The following KLHL29 variants were observed in gnomAD, a reference collection of about 807,000 sequenced individuals.
The protein encoded by KLHL29 is kelch-like protein 29.
Under a neutral mutation model 80.4 loss-of-function variants are expected in KLHL29, and 21 were observed. The ratio of observed to expected loss-of-function variants is 0.26; its 90% CI spans 0.19 to 0.38. KLHL29 has a LOEUF of 0.38. Among genes scored for constraint, KLHL29 ranks in the 10% least tolerant of loss-of-function variants. The pLI is 1.00. For synonymous variants in KLHL29, 511 were observed against 526.8 expected (o/e 0.97, Z 0.41); for missense variants, 867 against 1,223.9 (o/e 0.71, Z 4.35).
intron 1 of KLHL29, among the ~76,000 whole-genome samples, chr2:23,429,949 C>T (rs1002874635): frequency 6.6e-6 from 1 of 152,054 alleles, no homozygotes; most frequent in Non-Finnish European, 1.5e-5. Context: ...ATATTAACTA[C>T]TTGAATCTTC....
At chr2:23,481,133 C>T (rs987937064) in intron 2 of KLHL29, among the ~76,000 whole-genome samples, 1 of 152,204 alleles carries the variant, frequency 6.6e-6, no homozygotes, top group African/African-American at 2.4e-5. Flanking sequence ...TCTGTGAGAT[C>T]ACAGTCAGTC....
intron 1 of KLHL29, among the ~76,000 whole-genome samples, chr2:23,394,694 A>G (rs927682939): frequency 6.6e-6 from 1 of 152,270 alleles, no homozygotes; most frequent in Non-Finnish European, 1.5e-5. Context: ...CAGTTGACAT[A>G]GTAAGTTGAG....
intron 2 of KLHL29, among the ~76,000 whole-genome samples, chr2:23,538,662 T>C (rs1324526368): frequency 1.3e-5 from 2 of 152,238 alleles, no homozygotes; most frequent in African/African-American, 4.8e-5. Context: ...CTGTTAGCTG[T>C]CTGGGCTGCA....
intron 5 of KLHL29, among the ~76,000 whole-genome samples, chr2:23,649,636 G>T (rs1670034007): frequency 6.6e-6 from 1 of 152,232 alleles, no homozygotes; most frequent in African/African-American, 2.4e-5. Context: ...TGGGCCTTCA[G>T]CCCCAAATCT....
chr2:23,704,532 C>T lies in KLHL29; in HGVS notation c.2444+669C>T, dbSNP rs146973472. Among the ~76,000 whole-genome samples, 510 of 152,142 alleles carry T rather than the reference C, an allele frequency of 3.4e-3. 3 individuals are homozygous for T. The highest frequency in any genetic ancestry group is 0.011 in the African/African-American group (472 of 41,500). On this transcript the variant is annotated intron_variant, in intron 13 of 13. Transcript: ENST00000486442. ...CTGTAATCCCAGCACTTTGGGAGGC[C>T]GAGGCGGATGGATCAGTTGAGATCA...
chr2:23,445,065 A>G (rs1411955622), intron 1 of KLHL29, among the ~76,000 whole-genome samples: 2 of 152,196 alleles, frequency 1.3e-5, no homozygotes, highest in Non-Finnish European at 2.9e-5. Context: ...TTATAAGACA[A>G]TGTTGAATGA....
chr2:23,423,173 C>G (rs1331016952), intron 1 of KLHL29, among the ~76,000 whole-genome samples: 1 of 152,236 alleles, frequency 6.6e-6, no homozygotes, highest in African/African-American at 2.4e-5. Context: ...GTGTTTTTCA[C>G]TCATCCGCTT....
intron 1 of KLHL29, among the ~76,000 whole-genome samples, chr2:23,448,803 C>T (rs533402008): frequency 3.3e-5 from 5 of 152,148 alleles, no homozygotes; most frequent in Non-Finnish European, 7.4e-5. Flanking sequence ...CTGTGCTTGC[C>T]AGAGAACGGC....
At chr2:23,605,935 A>G (rs1390093104) in intron 3 of KLHL29, among the ~76,000 whole-genome samples, 4 of 151,902 alleles carry the variant, frequency 2.6e-5, no homozygotes, top group Admixed American at 2.0e-4. Flanking sequence ...ACGCCCGGCT[A>G]ATTTTTGTAT....
At chr2:23,463,993 A>AT (rs1355443796) in intron 1 of KLHL29, among the ~76,000 whole-genome samples, 2 of 152,154 alleles carry the variant, frequency 1.3e-5, no homozygotes, top group African/African-American at 4.8e-5. Flanking sequence ...ACTGTTTTAA[A>AT]TTTTTTTCAG....
intron 3 of KLHL29, among the ~76,000 whole-genome samples, chr2:23,611,687 T>C (rs1668874796): frequency 6.6e-6 from 1 of 152,098 alleles, no homozygotes; most frequent in African/African-American, 2.4e-5. Flanking sequence ...GAAAGACCCA[T>C]AGGGGTTCCA....
intron 5 of KLHL29, among the ~76,000 whole-genome samples, chr2:23,651,099 A>G (rs1350251527): frequency 6.6e-6 from 1 of 152,236 alleles, no homozygotes; most frequent in African/African-American, 2.4e-5. Context: ...AGCATAAAAC[A>G]TTGTGTAAAT....
chr2:23,686,077 G>A (rs1270045874), intron 6 of KLHL29, among the ~76,000 whole-genome samples: 3 of 152,120 alleles, frequency 2.0e-5, no homozygotes, highest in African/African-American at 7.2e-5. Context: ...CCAAAGTAGT[G>A]AAGGCTTCTT....
intron 2 of KLHL29, among the ~76,000 whole-genome samples, chr2:23,479,095 C>T (rs1406034818): frequency 6.6e-6 from 1 of 151,838 alleles, no homozygotes; most frequent in African/African-American, 2.4e-5. Context: ...AGACATCTCA[C>T]TGCTGCTCCG....
In KLHL29 at chr2:23,596,510, C is replaced by T. The variant is rs1668397039; in HGVS notation, c.285+34029C>T. Among the ~76,000 whole-genome samples, 1 of 152,206 alleles carries T rather than the reference C, an allele frequency of 6.6e-6. No homozygotes were observed. The highest frequency in any genetic ancestry group is 2.4e-5 in the African/African-American group (1 of 41,440). Reference sequence around the variant, plus strand: ...GTGATTTATCAGGGGCCATGCCACACTGTCCTTGCACACAACGTGGCTTAA... The same window carrying T: ...GTGATTTATCAGGGGCCATGCCACATTGTCCTTGCACACAACGTGGCTTAA... On this transcript the variant is annotated intron_variant, in intron 3 of 13. Transcript: ENST00000486442. The surrounding 1 kb of genome is among the most constrained non-coding windows in gnomAD (Gnocchi z 4.4).
rs935927266 is a variant in KLHL29 at position 23,503,956 on chromosome 2, A to G, written c.-46+28289A>G. On this transcript the variant is annotated intron_variant, in intron 2 of 13. Coordinates refer to ENST00000486442, the MANE Select transcript of KLHL29 (RefSeq NM_052920.2). The surrounding 1 kb of genome is among the most constrained non-coding windows in gnomAD (Gnocchi z 4.0). ...CTCTGGTTCCAGCCCAGATGAACCC[A>G]CTGGGCTGGGAACGCCACACAAAAG... Among the ~76,000 whole-genome samples, 2 of 152,158 alleles carry G rather than the reference A, an allele frequency of 1.3e-5. No homozygotes were observed. The highest frequency in any genetic ancestry group is 2.9e-5 in the Non-Finnish European group (2 of 68,032).
At position 23,454,211 on chromosome 2, in the gene KLHL29, A is replaced by G. The variant is rs550583913; in HGVS notation, c.-153-21349A>G. On this transcript the variant is annotated intron_variant, in intron 1 of 13. Coordinates refer to ENST00000486442, the MANE Select transcript of KLHL29 (RefSeq NM_052920.2). ...ATTGGCTCTCCTTGCCCGAGGAGAA[A>G]GCTGGGCCCCTGACCCTCCCGCCCC... Among the ~76,000 whole-genome samples, 232 of 152,242 alleles carry G rather than the reference A, an allele frequency of 1.5e-3. 1 individual carries two copies. The highest frequency in any genetic ancestry group is 5.3e-3 in the African/African-American group (222 of 41,558).
intron 2 of KLHL29, among the ~76,000 whole-genome samples, chr2:23,533,043 T>G (rs980462537): frequency 6.6e-6 from 1 of 152,150 alleles, no homozygotes; most frequent in Admixed American, 6.5e-5. Flanking sequence ...GCCTGGTCTT[T>G]GACGAGTTCA....
At chr2:23,448,162 A>T (rs914238253) in intron 1 of KLHL29, among the ~76,000 whole-genome samples, 1 of 152,152 alleles carries the variant, frequency 6.6e-6, no homozygotes, top group African/African-American at 2.4e-5. Flanking sequence ...GTGTGAGAAG[A>T]CTAGGAAAGA....
Sources: allele counts gnomAD v4.1 joint callset (sites outside exome capture counted in the v4.1 genomes callset), GRCh38; gene constraint gnomAD v4.1.1; non-coding constraint Gnocchi (gnomAD v3.1); transcripts MANE v1.5; gene names NCBI Gene and HGNC (gene_info 2026-07-23, HGNC 2026-07-21).